ARB2A: variants seen among roughly 807,000 people sequenced by gnomAD.
The protein encoded by ARB2A is ARB2 cotranscriptional regulator A.
the ARB2A span, among the ~76,000 whole-genome samples, chr5:94,037,831 T>C: frequency 6.6e-6 from 1 of 152,278 alleles, no homozygotes; most frequent in African/African-American, 2.4e-5. Flanking sequence ...GAAAAACTCC[T>C]ATAAGATGGC....
At chr5:93,854,578 C>T in the ARB2A span, among the ~76,000 whole-genome samples, 1 of 152,202 alleles carries the variant, frequency 6.6e-6, no homozygotes, top group African/African-American at 2.4e-5. Context: ...TTCCTGCTTT[C>T]TCTTCTGGGC....
the ARB2A span, among the ~76,000 whole-genome samples, chr5:93,687,757 C>T: frequency 2.0e-5 from 3 of 152,002 alleles, no homozygotes; most frequent in African/African-American, 7.2e-5. Flanking sequence ...GGGTGGTATG[C>T]TTAGGGAATT....
the ARB2A span, among the ~76,000 whole-genome samples, chr5:93,703,392 A>C: frequency 6.6e-6 from 1 of 152,204 alleles, no homozygotes; most frequent in African/African-American, 2.4e-5. Context: ...CATAACACCC[A>C]CTATAAAGGT....
chr5:93,888,802 G>GT, the ARB2A span, among the ~76,000 whole-genome samples: 1 of 151,558 alleles, frequency 6.6e-6, no homozygotes, highest in Non-Finnish European at 1.5e-5. Flanking sequence ...TGTTTTCATT[G>GT]TTTTTTCAAG....
At chr5:93,798,287 A>T in the ARB2A span, among the ~76,000 whole-genome samples, 1 of 152,080 alleles carries the variant, frequency 6.6e-6, no homozygotes, top group Non-Finnish European at 1.5e-5. Context: ...TTCCCACACA[A>T]CCACCAGCAC....
chr5:93,735,843 A>C, the ARB2A span: 1 of 152,074 alleles, frequency 6.6e-6, no homozygotes, highest in Non-Finnish European at 1.5e-5. Context: ...AAATGGTCTC[A>C]CTGTGATGTT....
chr5:94,035,271 A>C, the ARB2A span, among the ~76,000 whole-genome samples: 1 of 137,046 alleles, frequency 7.3e-6, no homozygotes, highest in South Asian at 2.4e-4. Flanking sequence ...ATATGTATGC[A>C]TTGCTACTAG....
chr5:93,727,114 T>A, the ARB2A span, among the ~76,000 whole-genome samples: 1 of 152,022 alleles, frequency 6.6e-6, no homozygotes, highest in Non-Finnish European at 1.5e-5. Flanking sequence ...AGTTTGGTAG[T>A]GGGAAAAAGT....
the ARB2A span, among the ~76,000 whole-genome samples, chr5:93,650,887 G>A: frequency 6.6e-6 from 1 of 151,988 alleles, no homozygotes; most frequent in African/African-American, 2.4e-5. Context: ...AGCTTCTTGG[G>A]AGGCTGAGGC....
chr5:93,747,566 T>C, the ARB2A span, among the ~76,000 whole-genome samples: 19 of 152,148 alleles, frequency 1.2e-4, no homozygotes, highest in Non-Finnish European at 2.9e-5. Context: ...CAGACAGCAT[T>C]CAGTCAGCTT....
At chr5:94,055,835 AC>A in the ARB2A span, 15 of 985,328 alleles carry the variant, frequency 1.5e-5, no homozygotes, top group Non-Finnish European at 1.8e-5. Context: ...TTTTAATCAG[AC>A]ATCGAAACTG....
the ARB2A span, among the ~76,000 whole-genome samples, chr5:93,906,982 G>C: frequency 6.6e-6 from 1 of 151,394 alleles, no homozygotes; most frequent in Non-Finnish European, 1.5e-5. Flanking sequence ...AAGATTTTAG[G>C]TGCTTACTCT....
chr5:93,990,680 G>T, the ARB2A span, among the ~76,000 whole-genome samples: 1 of 141,076 alleles, frequency 7.1e-6, no homozygotes, highest in South Asian at 2.2e-4. Context: ...TTTCAACTCA[G>T]AGTCATAATA....
At chr5:93,660,461 A>G in the ARB2A span, among the ~76,000 whole-genome samples, 1 of 152,196 alleles carries the variant, frequency 6.6e-6, no homozygotes, top group Non-Finnish European at 1.5e-5. Flanking sequence ...AAAGAAGACC[A>G]GAGATGAGTA....
the ARB2A span, among the ~76,000 whole-genome samples, chr5:93,745,790 C>T: frequency 1.3e-5 from 2 of 152,038 alleles, no homozygotes; most frequent in East Asian, 1.9e-4. Context: ...TGATCTTTAT[C>T]GTCTCCCCAC....
chr5:93,872,328 T>C, the ARB2A span, among the ~76,000 whole-genome samples: 4 of 152,154 alleles, frequency 2.6e-5, no homozygotes, highest in Admixed American at 6.5e-5. Flanking sequence ...CCCTAATTTA[T>C]AGATGTAGGA....
chr5:93,712,490 A>G, the ARB2A span, among the ~76,000 whole-genome samples: 6 of 152,138 alleles, frequency 3.9e-5, no homozygotes, highest in African/African-American at 1.4e-4. Flanking sequence ...TGGCATATAT[A>G]TTAAGAAGGA....
the ARB2A span, among the ~76,000 whole-genome samples, chr5:93,642,669 C>T: frequency 4.6e-5 from 7 of 151,958 alleles, no homozygotes; most frequent in African/African-American, 9.7e-5. Context: ...CCACTGTGAC[C>T]GGCCCCCAGC....
chr5:93,918,430 CTTTTTTTTTTT>C, the ARB2A span, among the ~76,000 whole-genome samples: 4 of 107,354 alleles, frequency 3.7e-5, no homozygotes, highest in South Asian at 3.1e-4. Flanking sequence ...TTCCAAATTT[CTTTTTTTTTTT>C]TTTTTTTTTT....
Sources: allele counts gnomAD v4.1 joint callset (sites outside exome capture counted in the v4.1 genomes callset), GRCh38; gene constraint gnomAD v4.1.1; transcripts MANE v1.5; gene names NCBI Gene and HGNC (gene_info 2026-07-23, HGNC 2026-07-21).